Variants in GSE1 observed in about 807,000 individuals in gnomAD.
GSE1 encodes Gse1 coiled-coil protein, also known as genetic suppressor element 1.
In GSE1, 32 loss-of-function variants were observed where a neutral mutation model predicts 112.6. That is an observed-to-expected ratio of 0.28 (90% CI 0.21 to 0.38). The LOEUF is 0.38. GSE1 is among the 10% of genes least tolerant of loss of function. GSE1 has a pLI of 1.00. For synonymous variants in GSE1, 1,115 were observed against 735.6 expected, an observed-to-expected ratio of 1.52 and a Z score of -8.35; for missense variants, 2,348 against 1,699.2, an observed-to-expected ratio of 1.38 and a Z score of -6.71.
intron 2 of GSE1, among the ~76,000 whole-genome samples, chr16:85,642,145 C>CT (rs1293229967): frequency 6.6e-6 from 1 of 152,198 alleles, no homozygotes; most frequent in Non-Finnish European, 1.5e-5. Context: ...CTGCCCAGAG[C>CT]TTTTCAAGGT....
intron 2 of GSE1, among the ~76,000 whole-genome samples, chr16:85,452,917 C>T (rs1214154413): frequency 2.6e-5 from 4 of 152,136 alleles, no homozygotes; most frequent in African/African-American, 9.7e-5. Context: ...CGCTCGGTGC[C>T]TCCAACCCCA....
At chr16:85,455,043 TGG>T (rs2049788878) in intron 2 of GSE1, among the ~76,000 whole-genome samples, 2 of 152,120 alleles carry the variant, frequency 1.3e-5, no homozygotes, top group Admixed American at 1.3e-4. Context: ...CCTCCGTAAA[TGG>T]GGACACGGGT....
chr16:85,179,918 G>C (rs918908915), intron 1 of GSE1, among the ~76,000 whole-genome samples: 3 of 152,224 alleles, frequency 2.0e-5, no homozygotes, highest in African/African-American at 7.2e-5. Context: ...TTCCCCTCTG[G>C]AAAATGGGGG....
intron 1 of GSE1, among the ~76,000 whole-genome samples, chr16:85,200,845 T>A (rs1379347821): frequency 6.6e-6 from 1 of 152,144 alleles, no homozygotes; most frequent in Non-Finnish European, 1.5e-5. Context: ...TCACCAGAAC[T>A]TTGTCTTCTC....
chr16:85,210,820 T>G (rs1290147270), intron 1 of GSE1, among the ~76,000 whole-genome samples: 1 of 152,176 alleles, frequency 6.6e-6, no homozygotes, highest in East Asian at 1.9e-4. Flanking sequence ...GAGGGAGGCA[T>G]TCTTGTCACT....
intron 1 of GSE1, among the ~76,000 whole-genome samples, chr16:85,249,868 C>T (rs1281585605): frequency 2.0e-5 from 3 of 152,270 alleles, no homozygotes; most frequent in South Asian, 2.1e-4. Flanking sequence ...CAGTTGTCCT[C>T]CATGAGGGCA....
chr16:85,656,409 G>GC lies in GSE1; in HGVS notation c.1056_1057insC (p.Ala353ArgfsTer2), dbSNP rs1316656474. 5.7e-6 allele frequency: 9 copies of GC among 1,566,760 alleles called. No individual in the cohort carries two copies. The highest frequency in any genetic ancestry group is 2.8e-5 in the African/African-American group (2 of 70,486). ...AGCGCGAGCGCGAGCGTGAGCGTGAGGCTGACCGCGAGCGGGAGAAGGAAC... is the reference window on the plus strand; with the variant it reads ...AGCGCGAGCGCGAGCGTGAGCGTGAGCGCTGACCGCGAGCGGGAGAAGGAAC... On this transcript the variant is annotated frameshift_variant, in exon 7 of 16. Transcript: ENST00000253458. LOFTEE classifies it high-confidence loss of function.
intron 1 of GSE1, among the ~76,000 whole-genome samples, chr16:85,250,786 AC>A (rs1214022462): frequency 6.7e-6 from 1 of 149,636 alleles, no homozygotes; most frequent in Non-Finnish European, 1.5e-5. Context: ...TATTTCCACC[AC>A]CCCCAAAAGA....
intron 1 of GSE1, among the ~76,000 whole-genome samples, chr16:85,587,382 C>T (rs776982228): frequency 7.9e-5 from 12 of 152,342 alleles, no homozygotes; most frequent in Admixed American, 1.3e-4. Context: ...AACCTTCCCC[C>T]GGCCCTGGCC....
Position 85,335,505 on chromosome 16 carries a change from G to C in GSE1, c.2284-21958G>C, listed in dbSNP as rs552362565. Reference sequence around the variant, plus strand: ...GCTGGCAGGAGGCGGAGGCCGTGCTGGGTGGGCTGGGCTCCCTGCAGGTGC... The same window carrying C: ...GCTGGCAGGAGGCGGAGGCCGTGCTCGGTGGGCTGGGCTCCCTGCAGGTGC... On this transcript the variant is annotated intron_variant, in intron 1 of 2. Transcript: ENST00000637419. 2.0e-5 allele frequency among the ~76,000 whole-genome samples: 3 copies of C among 152,298 alleles called. No homozygotes were observed. The East Asian group carries it at 5.8e-4, about 29-fold the overall frequency.
intron 1 of GSE1, among the ~76,000 whole-genome samples, chr16:85,301,651 C>T (rs748811665): frequency 1.3e-5 from 2 of 152,220 alleles, no homozygotes; most frequent in East Asian, 1.9e-4. Flanking sequence ...TCCCTCGTCT[C>T]GGCTCTGTTG....
intron 2 of GSE1, among the ~76,000 whole-genome samples, chr16:85,455,687 T>TC (rs1348492045): frequency 6.6e-6 from 1 of 152,190 alleles, no homozygotes; most frequent in East Asian, 1.9e-4. Flanking sequence ...GCAAGCTGCC[T>TC]CCCCCGCACG....
chr16:85,566,945 C>G (rs936439983), intron 1 of GSE1, among the ~76,000 whole-genome samples: 1 of 152,292 alleles, frequency 6.6e-6, no homozygotes, highest in South Asian at 2.1e-4. Flanking sequence ...ACGTAGGCCT[C>G]TCACCCGCTC....
intron 2 of GSE1, among the ~76,000 whole-genome samples, chr16:85,482,489 C>T (rs1250076080): frequency 7.8e-6 from 1 of 128,686 alleles, no homozygotes; most frequent in Non-Finnish European, 1.7e-5. Context: ...TCAGCCTCCA[C>T]GTGACTCAGT....
At chr16:85,169,833 C>T in exon 1 of GSE1, 1 of 984,458 alleles carries the variant, frequency 1.0e-6, no homozygotes, top group Non-Finnish European at 1.2e-6. Flanking sequence ...CCTTCGAGCG[C>T]GCCCGCACGC....
At chr16:85,601,524 G>T (rs76113812) in intron 1 of GSE1, among the ~76,000 whole-genome samples, 25 of 152,006 alleles carry the variant, frequency 1.6e-4, no homozygotes, top group African/African-American at 4.6e-4. Context: ...AAATCAAGGT[G>T]GGGGGGTGAC....
At position 85,269,700 on chromosome 16, in the gene GSE1, G is replaced by A. The variant is rs115029276; in HGVS notation, c.2284-87763G>A. On this transcript the variant is annotated intron_variant, in intron 1 of 2. Coordinates refer to the GSE1 transcript ENST00000637419. ...ACCTTGAAGCCCAAGCCATGGGGAA[G>A]GGGCTCCCAGTGTCCCCAAAGAGGA... Among the ~76,000 whole-genome samples, 929 of 149,170 alleles carry A rather than the reference G, an allele frequency of 6.2e-3. 41 individuals carry two copies. Among genetic ancestry groups the A allele is most frequent in the African/African-American group, 0.021 (875 of 41,326 alleles).
At chr16:85,515,012 C>T (rs935715584) in intron 2 of GSE1, among the ~76,000 whole-genome samples, 5 of 152,158 alleles carry the variant, frequency 3.3e-5, no homozygotes, top group South Asian at 2.1e-4. Context: ...CCCATGGGCA[C>T]ATGTGAATAT....
At chr16:85,261,369 G>C (rs1907666903) in intron 1 of GSE1, among the ~76,000 whole-genome samples, 1 of 152,238 alleles carries the variant, frequency 6.6e-6, no homozygotes, top group African/African-American at 2.4e-5. Context: ...GTGAGCAGTT[G>C]CTGACTCAGT....
Sources: allele counts gnomAD v4.1 joint callset (sites outside exome capture counted in the v4.1 genomes callset), GRCh38; gene constraint gnomAD v4.1.1; transcripts MANE v1.5; gene names NCBI Gene and HGNC (gene_info 2026-07-23, HGNC 2026-07-21).